SNED1: variants seen among roughly 807,000 people sequenced by gnomAD.
SNED1 encodes sushi, nidogen and EGF-like domain-containing protein 1.
Under a neutral mutation model 166.7 loss-of-function variants are expected in SNED1, and 81 were observed. The observed-to-expected ratio is 0.49, with a 90% confidence interval of 0.41 to 0.58. The LOEUF is 0.58. Among genes scored for constraint, SNED1 ranks in the 20% least tolerant of loss-of-function variants. The pLI, the probability that SNED1 is intolerant of heterozygous loss-of-function variation, is 0.00. For synonymous variants in SNED1, 762 were observed against 822.0 expected (o/e 0.93, Z 1.25); for missense variants, 1,604 against 2,000.2 (o/e 0.80, Z 3.78).
intron 21 of SNED1, 76 bp downstream of exon 21, chr2:241,065,671 G>T: frequency 7.5e-7 from 1 of 1,326,524 alleles, no homozygotes; most frequent in Non-Finnish European, 1.0e-6. Context: ...GCACCTGCAG[G>T]GCGGCTGTCA....
At chr2:241,052,678 TGAGAGGGTCGGCGGGGGGGGGGGGGGTC>T (rs2061894798) in intron 15 of SNED1, among the ~76,000 whole-genome samples, 2 of 13,824 alleles carry the variant, frequency 1.4e-4, no homozygotes, top group African/African-American at 4.3e-4. Flanking sequence ...GCCAGGCAGG[TGAGAGGGTCGGCGGGGGGGGGGGGGGTC>T]AAGCAGGGTA....
At chr2:241,084,568 C>G (rs2063491628) in intron 29 of SNED1, among the ~76,000 whole-genome samples, 1 of 152,210 alleles carries the variant, frequency 6.6e-6, no homozygotes, top group Non-Finnish European at 1.5e-5. Context: ...CCACTTCCCT[C>G]CCATCCTTTG....
At position 241,067,835 on chromosome 2, in the gene SNED1, C is replaced by T; in HGVS notation, c.3082C>T (p.His1028Tyr). Residue 1028 changes from histidine (H) to tyrosine (Y), a missense_variant, in exon 22 of 32, where the codon CAC (histidine) becomes TAC (tyrosine). By Grantham distance (83) the His-to-Tyr change is moderately conservative. Transcript: ENST00000310397. The part of the protein sequence containing the change: ...ASTISVQWAL[H>Y]RIRHATVSGV... Reference sequence around the variant, plus strand: ...CACCATCTCAGTGCAGTGGGCCCTGCACAGGATCCGCCATGCCACCGTCAG... The same window carrying T: ...CACCATCTCAGTGCAGTGGGCCCTGTACAGGATCCGCCATGCCACCGTCAG... 1 of 1,613,522 alleles carries T rather than the reference C, an allele frequency of 6.2e-7. No individual in the cohort carries two copies. The highest frequency in any genetic ancestry group is 8.5e-7 in the Non-Finnish European group (1 of 1,179,856).
At chr2:241,015,445 T>C (rs1355906006) in intron 1 of SNED1, among the ~76,000 whole-genome samples, 1 of 152,238 alleles carries the variant, frequency 6.6e-6, no homozygotes, top group African/African-American at 2.4e-5. Flanking sequence ...TTTTACATTT[T>C]CTAACTTTAT....
intron 1 of SNED1, among the ~76,000 whole-genome samples, chr2:241,016,491 C>T (rs189284507): frequency 1.3e-3 from 176 of 139,454 alleles, no homozygotes; most frequent in African/African-American, 3.8e-3. Flanking sequence ...CCACCACGCC[C>T]GGCCCATGGT....
chr2:241,089,845 C>T (rs1217597861), intron 31 of SNED1: 1 of 1,407,204 alleles, frequency 7.1e-7, no homozygotes, highest in Non-Finnish European at 9.4e-7. Context: ...TGTGGCAGAG[C>T]CCATGCTCCC....
chr2:241,020,148 C>T (rs1179037115), intron 1 of SNED1, among the ~76,000 whole-genome samples: 1 of 152,240 alleles, frequency 6.6e-6, no homozygotes, highest in Non-Finnish European at 1.5e-5. Context: ...ACGTGTGGTC[C>T]ACAGGGCCAG....
intron 11 of SNED1, among the ~76,000 whole-genome samples, 164 bp downstream of exon 11, chr2:241,049,299 G>T (rs1031529838): frequency 1.3e-5 from 2 of 152,200 alleles, no homozygotes; most frequent in Non-Finnish European, 2.9e-5. Flanking sequence ...TGTAATATGG[G>T]GCTAGACATC....
rs765405531 is a variant in SNED1, at chr2:241,052,479, CAG to C, written c.2083+12_2083+13del. 3.2e-6 allele frequency: 5 copies of C among 1,585,734 alleles called. No homozygotes were observed. Among genetic ancestry groups the C allele is most frequent in the East Asian group, 2.3e-5 (1 of 43,834 alleles). On this transcript the variant is annotated intron_variant, in intron 15 of 31. Transcript: ENST00000310397. ...GCCGGTGCCAGGCAGGTGAGAGGGT[CAG>C]GGGGATCAAGCAGGGTACATGGGAT... is the stretch of plus-strand genomic sequence containing the variant.
chr2:241,068,989 G>A lies in SNED1; in HGVS notation c.3273G>A (p.Glu1091=), dbSNP rs1405936619. The A allele has an allele frequency of 2.6e-6, 4 of 1,555,414 alleles. No individual in the cohort carries two copies. The highest frequency in any genetic ancestry group is 3.5e-6 in the Non-Finnish European group (4 of 1,149,874). Residue 1091 remains glutamate, a synonymous_variant, in exon 23 of 32, where the codon GAG becomes GAA. Transcript: ENST00000310397. The surrounding 1 kb of genome is among the most constrained non-coding windows in gnomAD (Gnocchi z 5.3). ...TCAGGGGAGAGGAGCACCCCACAGA[G>A]AGCCTGGCCACCGCGCCGACGCACG... ...SGLRGEEHPT[E]SLATAPTHVW...
At chr2:241,072,445 G>A (rs919836766) in intron 26 of SNED1, 2 of 356,900 alleles carry the variant, frequency 5.6e-6, no homozygotes, top group South Asian at 2.1e-5. Flanking sequence ...AGTGAGGCAG[G>A]CGCGACCCTG....
rs575449658 is a variant in SNED1 at position 241,009,559 on chromosome 2, G to A, written c.213+10509G>A. Among the ~76,000 whole-genome samples the A allele has an allele frequency of 1.1e-4, 17 of 152,250 alleles. No individual in the cohort carries two copies. In the South Asian group the frequency reaches 3.5e-3, roughly 32 times the overall value. On this transcript the variant is annotated intron_variant, in intron 1 of 31. Coordinates refer to ENST00000310397, the MANE Select transcript of SNED1 (RefSeq NM_001080437.3). ...ACAGGGCATGAGAAAGGGCACGGGG[G>A]CTGGGGGCATGGCCCCATGGGGACA...
intron 16 of SNED1, among the ~76,000 whole-genome samples, chr2:241,054,898 C>G (rs2061996678): frequency 6.6e-6 from 1 of 152,136 alleles, no homozygotes; most frequent in Admixed American, 6.5e-5. Context: ...AGGTGGATCA[C>G]CTGAGGTCAG....
At chr2:241,035,831 G>A (rs1194291561) in intron 4 of SNED1, among the ~76,000 whole-genome samples, 1 of 136,418 alleles carries the variant, frequency 7.3e-6, no homozygotes, top group African/African-American at 2.8e-5. Flanking sequence ...GGGATGGGGG[G>A]TGCAGGCGCG....
intron 30 of SNED1, 189 bp from the exon 31 acceptor site, chr2:241,088,176 A>G (rs1380119133): frequency 1.7e-6 from 1 of 583,838 alleles, no homozygotes; most frequent in Non-Finnish European, 3.1e-6. Context: ...CTACTGCCTC[A>G]AGCCAGGCGG....
In SNED1 at chr2:241,091,754, A is replaced by C. The variant is rs966874489; in HGVS notation, c.*118A>C. On this transcript the variant is annotated 3_prime_UTR_variant, in exon 32 of 32. Coordinates refer to ENST00000310397, the MANE Select transcript of SNED1 (RefSeq NM_001080437.3). The surrounding 1 kb of genome is among the most constrained non-coding windows in gnomAD (Gnocchi z 4.1). Reference sequence around the variant, plus strand: ...CTGAGAAAAGGTCCTAGCTGGAGTCAGTCCCCTCTGTGACCTCTCTCCTCA... The same window carrying C: ...CTGAGAAAAGGTCCTAGCTGGAGTCCGTCCCCTCTGTGACCTCTCTCCTCA... 5 of 152,356 alleles carry C rather than the reference A, an allele frequency of 3.3e-5. No homozygotes were observed. The highest frequency in any genetic ancestry group is 1.2e-4 in the African/African-American group (5 of 41,472). The allele number at this position is 152,356 out of a possible 1,614,324, so 9.4% of individuals were successfully genotyped here. A position where few individuals can be genotyped will look rare whatever the true frequency, so the allele number is the denominator to read the frequency against.
chr2:241,037,024 C>T, intron 5 of SNED1, 109 bp downstream of exon 5: 2 of 1,370,306 alleles, frequency 1.5e-6, no homozygotes, highest in Admixed American at 2.2e-5. Flanking sequence ...GGTCAGGAGT[C>T]TCTGTCCCCA....
In SNED1 at chr2:241,087,260, G is replaced by A. The variant is rs377479123; in HGVS notation, c.4122-132G>A. 509 of 703,538 alleles carry A rather than the reference G, an allele frequency of 7.2e-4. 9 individuals are homozygous for A. In the South Asian group the frequency reaches 9.9e-3, roughly 14 times the overall value. The allele number at this position is 703,538 out of a possible 1,614,324, so 43.6% of individuals were successfully genotyped here. A position where few individuals can be genotyped will look rare whatever the true frequency, so the allele number is the denominator to read the frequency against. On this transcript the variant is annotated intron_variant, in intron 29 of 31. Coordinates refer to ENST00000310397, the MANE Select transcript of SNED1 (RefSeq NM_001080437.3). Reference sequence around the variant, plus strand: ...TTTTAATACATCAATAGGAGGTCACGTTTCATTCAGAAAATAGCAGTTTTT... The same window carrying A: ...TTTTAATACATCAATAGGAGGTCACATTTCATTCAGAAAATAGCAGTTTTT...
chr2:241,047,106 C>G (rs1297875660), intron 8 of SNED1, among the ~76,000 whole-genome samples: 1 of 143,450 alleles, frequency 7.0e-6, no homozygotes, highest in Admixed American at 7.2e-5. Flanking sequence ...GATCGCGCCA[C>G]TGCACTGCAC....
Sources: gnomAD v4.1 joint callset for allele counts (sites outside exome capture counted in the v4.1 genomes callset) on GRCh38, gnomAD v4.1.1 for gene constraint, Gnocchi (gnomAD v3.1) non-coding constraint, MANE v1.5 for transcripts, NCBI Gene and HGNC (gene_info 2026-07-23, HGNC 2026-07-21) for gene names.